CDKAL1: variants seen among roughly 807,000 people sequenced by gnomAD.
CDKAL1 encodes CDKAL1 threonylcarbamoyladenosine tRNA methylthiotransferase, also known as threonylcarbamoyladenosine tRNA methylthiotransferase.
CDKAL1 carries 32 observed loss-of-function variants against 68.2 expected under a neutral mutation model. The observed-to-expected ratio is 0.47, with a 90% CI of 0.35 to 0.63. CDKAL1 has a LOEUF of 0.63. Among genes scored for constraint, CDKAL1 ranks in the 30% least tolerant of loss-of-function variants. The probability of loss-of-function intolerance (pLI) is 0.00; values close to 1 mark genes in which losing one functional copy is unlikely to be tolerated. For synonymous variants in CDKAL1, 234 were observed against 244.3 expected, an observed-to-expected ratio of 0.96 and a Z score of 0.39; for missense variants, 606 against 696.7, an observed-to-expected ratio of 0.87 and a Z score of 1.47.
chr6:20,798,073 C>T (rs1776190840), intron 8 of CDKAL1, among the ~76,000 whole-genome samples: 1 of 152,022 alleles, frequency 6.6e-6, no homozygotes, highest in Non-Finnish European at 1.5e-5. Context: ...ACCTCGGCCT[C>T]CCAAAGTGCT....
intron 4 of CDKAL1, among the ~76,000 whole-genome samples, chr6:20,608,281 T>A (rs1003398398): frequency 6.6e-6 from 1 of 152,178 alleles, no homozygotes; most frequent in African/African-American, 2.4e-5. Flanking sequence ...AATTTATATA[T>A]ATATAAAGTA....
chr6:20,763,546 C>CA (rs1303370001), intron 7 of CDKAL1, among the ~76,000 whole-genome samples: 1 of 152,194 alleles, frequency 6.6e-6, no homozygotes, highest in Non-Finnish European at 1.5e-5. Context: ...TACCGCCTGA[C>CA]AAGAGGATTT....
intron 5 of CDKAL1, among the ~76,000 whole-genome samples, chr6:20,696,135 T>A (rs985746540): frequency 6.6e-6 from 1 of 152,250 alleles, no homozygotes; most frequent in African/African-American, 2.4e-5. Flanking sequence ...TTAGCTGTTG[T>A]CCCAAAGGCA....
intron 2 of CDKAL1, among the ~76,000 whole-genome samples, chr6:20,537,261 G>T (rs1374993355): frequency 1.3e-5 from 2 of 152,154 alleles, no homozygotes; most frequent in Non-Finnish European, 2.9e-5. Flanking sequence ...ACATACTTCA[G>T]TTCTACTCTT....
At chr6:21,142,344 G>C (rs1158512301) in intron 13 of CDKAL1, among the ~76,000 whole-genome samples, 1 of 151,906 alleles carries the variant, frequency 6.6e-6, no homozygotes, top group African/African-American at 2.4e-5. Context: ...TGCTCATCTG[G>C]ATCAAGCCAG....
At chr6:20,992,031 C>CTTTTTTTTTTTT (rs71530401) in intron 10 of CDKAL1, among the ~76,000 whole-genome samples, 1 of 100,464 alleles carries the variant, frequency 1.0e-5, no homozygotes, top group Non-Finnish European at 1.9e-5. Context: ...TTTTTCTTTT[C>CTTTTTTTTTTTT]TTTTTTTTTT....
intron 9 of CDKAL1, among the ~76,000 whole-genome samples, chr6:20,868,617 A>G (rs1453530355): frequency 6.6e-6 from 1 of 152,232 alleles, no homozygotes; most frequent in Non-Finnish European, 1.5e-5. Context: ...GCTTATTTTT[A>G]GCATAAAAAG....
intron 11 of CDKAL1, among the ~76,000 whole-genome samples, chr6:21,059,588 C>T (rs574220664): frequency 3.9e-5 from 6 of 152,252 alleles, no homozygotes; most frequent in East Asian, 3.9e-4. Context: ...GCCATTGCTC[C>T]GCCCTGCTTT....
At chr6:20,936,532 G>T (rs1461524707) in intron 9 of CDKAL1, among the ~76,000 whole-genome samples, 2 of 151,202 alleles carry the variant, frequency 1.3e-5, no homozygotes, top group Non-Finnish European at 1.5e-5. Context: ...TTACAGGCGT[G>T]AGCCACCGCG....
chr6:20,781,064 A>G (rs1775404185), intron 7 of CDKAL1, 81 bp from the exon 8 acceptor site: 2 of 1,377,146 alleles, frequency 1.5e-6, no homozygotes, highest in African/African-American at 1.4e-5. Flanking sequence ...AAGAAGTTAA[A>G]TGAACACATT....
intron 14 of CDKAL1, among the ~76,000 whole-genome samples, chr6:21,199,136 C>T (rs979395328): frequency 7.9e-5 from 12 of 152,184 alleles, no homozygotes; most frequent in African/African-American, 2.9e-4. Context: ...GGAATTAGAG[C>T]TTGAGAAGAT....
In CDKAL1 at chr6:20,594,422, A is replaced by G. The variant is rs151130263; in HGVS notation, c.286+45717A>G. Among the ~76,000 whole-genome samples the G allele has an allele frequency of 1.5e-3, 231 of 152,216 alleles. 1 individual carries two copies. Among genetic ancestry groups the G allele is most frequent in the African/African-American group, 5.3e-3 (219 of 41,530 alleles). On this transcript the variant is annotated intron_variant, in intron 4 of 15. Coordinates refer to ENST00000274695, the MANE Select transcript of CDKAL1 (RefSeq NM_017774.3). Reference sequence around the variant, plus strand: ...TTCTTGTTGCGTTGATCCCTTTACCATTATGTAATGCCCTTTTCTCTGTGT... The same window carrying G: ...TTCTTGTTGCGTTGATCCCTTTACCGTTATGTAATGCCCTTTTCTCTGTGT...
chr6:20,777,536 G>A (rs1775224327), intron 7 of CDKAL1, among the ~76,000 whole-genome samples: 1 of 152,156 alleles, frequency 6.6e-6, no homozygotes, highest in Non-Finnish European at 1.5e-5. Context: ...GATTGCTTGA[G>A]CCCAGGAAGT....
intron 8 of CDKAL1, among the ~76,000 whole-genome samples, chr6:20,805,368 C>G (rs926079984): frequency 6.6e-6 from 1 of 152,180 alleles, no homozygotes; most frequent in Non-Finnish European, 1.5e-5. Context: ...GGTCAGCACA[C>G]TATAAATTGC....
At chr6:20,897,328 G>A (rs2150590293) in intron 9 of CDKAL1, among the ~76,000 whole-genome samples, 1 of 152,268 alleles carries the variant, frequency 6.6e-6, no homozygotes, top group South Asian at 2.1e-4. Context: ...CTGACCCCCA[G>A]TAGGAATGAA....
At chr6:21,229,089 T>C (rs1048359371) in intron 15 of CDKAL1, among the ~76,000 whole-genome samples, 18 of 152,154 alleles carry the variant, frequency 1.2e-4, no homozygotes, top group Non-Finnish European at 2.4e-4. Flanking sequence ...CAGTAAATAA[T>C]GCTTCCACTG....
chr6:20,572,501 C>T (rs985184046), intron 4 of CDKAL1, among the ~76,000 whole-genome samples: 1 of 152,102 alleles, frequency 6.6e-6, no homozygotes, highest in Non-Finnish European at 1.5e-5. Context: ...ATGTTTAAAA[C>T]CCAAACACTT....
In CDKAL1 at chr6:20,598,172, T is replaced by G. The variant is rs138313071; in HGVS notation, c.286+49467T>G. ...GGGAGCCACGGAAAGCTGTAAAGCA[T>G]TGGAGGGTTACAAGAGTTCCAGAAG... On this transcript the variant is annotated intron_variant, in intron 4 of 15. Coordinates refer to ENST00000274695, the MANE Select transcript of CDKAL1 (RefSeq NM_017774.3). Among the ~76,000 whole-genome samples, 22 of 152,320 alleles carry G rather than the reference T, an allele frequency of 1.4e-4. No individual in the cohort carries two copies. In the East Asian group the frequency reaches 4.0e-3, roughly 28 times the overall value.
intron 5 of CDKAL1, among the ~76,000 whole-genome samples, chr6:20,694,173 T>TAAACAAAC (rs199756184): frequency 2.0e-5 from 3 of 149,542 alleles, no homozygotes; most frequent in African/African-American, 4.9e-5. Context: ...ACTATCTTTA[T>TAAACAAAC]AAACAAACAA....
Sources: allele counts gnomAD v4.1 joint callset (sites outside exome capture counted in the v4.1 genomes callset), GRCh38; gene constraint gnomAD v4.1.1; transcripts MANE v1.5; gene names NCBI Gene and HGNC (gene_info 2026-07-23, HGNC 2026-07-21).